Variants in PPHLN1 observed in about 807,000 individuals in gnomAD.
The protein encoded by PPHLN1 is periphilin 1, also known as periphilin-1.
In PPHLN1, 29 loss-of-function variants were observed where a neutral mutation model predicts 51.3. That is an observed-to-expected ratio of 0.57 (90% confidence interval 0.42 to 0.77). The LOEUF (loss-of-function observed/expected upper bound fraction) is 0.77. PPHLN1 is among the 30% of genes least tolerant of loss of function. The pLI, the probability that PPHLN1 is intolerant of heterozygous loss-of-function variation, is 0.00. For missense variants in PPHLN1, 436 were observed against 438.4 expected (o/e 0.99, Z 0.05); for synonymous variants, 147 against 147.8 (o/e 0.99, Z 0.04).
intron 2 of PPHLN1, among the ~76,000 whole-genome samples, chr12:42,350,423 C>T (rs1340802479): frequency 1.8e-4 from 27 of 151,158 alleles, no homozygotes; most frequent in African/African-American, 4.6e-4. Flanking sequence ...CGGGCAGAGA[C>T]GCTTCTCACT....
intron 4 of PPHLN1, among the ~76,000 whole-genome samples, chr12:42,368,317 A>G (rs1056905158): frequency 6.6e-6 from 1 of 152,164 alleles, no homozygotes; most frequent in Non-Finnish European, 1.5e-5. Context: ...GATATGCGTT[A>G]TAATAAGAAT....
intron 1 of PPHLN1, among the ~76,000 whole-genome samples, chr12:42,329,121 T>TGA (rs1442706895): frequency 2.7e-4 from 40 of 146,598 alleles, no homozygotes; most frequent in South Asian, 6.6e-4. Context: ...TGTGTGTGTG[T>TGA]GACGGAGTCT....
chr12:42,413,958 T>C (rs1023437951), intron 9 of PPHLN1, among the ~76,000 whole-genome samples: 3 of 152,148 alleles, frequency 2.0e-5, no homozygotes, highest in Admixed American at 6.5e-5. Context: ...TTGGGGTCTT[T>C]TTTGGTTCCA....
At chr12:42,371,413 C>T (rs1046996622) in intron 4 of PPHLN1, among the ~76,000 whole-genome samples, 2 of 152,124 alleles carry the variant, frequency 1.3e-5, no homozygotes, top group African/African-American at 4.8e-5. Context: ...CCACTGCACC[C>T]GGCCAACTCC....
Position 42,441,739 on chromosome 12 carries a change from C to CT in PPHLN1, c.*231dup, listed in dbSNP as rs1406524260. The stretch of plus-strand genomic sequence containing the variant: ...TTCACCATGTTGGCCAGGCTAGTCT[C>CT]TAACTCCTGGCCTCAAGTGATCTGC... On this transcript the variant is annotated 3_prime_UTR_variant, in exon 10 of 10. Coordinates refer to ENST00000358314, the MANE Select transcript of PPHLN1 (RefSeq NM_201439.2). 8.6e-6 allele frequency: 10 copies of CT among 1,160,858 alleles called. No individual in the cohort carries two copies. The South Asian group carries it at 1.2e-4, about 14-fold the overall frequency. The allele number at this position is 1,160,858 out of a possible 1,614,324, so 71.9% of individuals were successfully genotyped here.
At chr12:42,371,876 A>G (rs2075834009) in intron 4 of PPHLN1, among the ~76,000 whole-genome samples, 2 of 152,230 alleles carry the variant, frequency 1.3e-5, no homozygotes, top group African/African-American at 4.8e-5. Flanking sequence ...TTTACTTTAG[A>G]TATGACTACT....
rs949384633 is a variant in PPHLN1 at position 42,385,088 on chromosome 12, G to T, written c.568+92G>T. 11 of 1,297,204 alleles carry T rather than the reference G, an allele frequency of 8.5e-6. No individual in the cohort carries two copies. In the African/African-American group the frequency reaches 1.5e-4, roughly 17 times the overall value. The allele number at this position is 1,297,204 out of a possible 1,614,324, so 80.4% of individuals were successfully genotyped here. A position where few individuals can be genotyped will look rare whatever the true frequency, so the allele number is the denominator to read the frequency against. ...ATGGAAATGGGGAAAGTGTATAACT[G>T]CTCCATTAGTCTATTGTGAGAACCA... is the stretch of plus-strand genomic sequence containing the variant. On this transcript the variant is annotated intron_variant, in intron 6 of 9. Coordinates refer to ENST00000358314, the MANE Select transcript of PPHLN1 (RefSeq NM_201439.2).
intron 1 of PPHLN1, among the ~76,000 whole-genome samples, chr12:42,326,624 C>A (rs946913271): frequency 2.6e-5 from 4 of 151,078 alleles, no homozygotes; most frequent in Non-Finnish European, 5.9e-5. Flanking sequence ...AGATCTCAGT[C>A]TAGTTGGGGA....
chr12:42,377,999 A>G (rs2076410996), intron 5 of PPHLN1, among the ~76,000 whole-genome samples: 2 of 152,344 alleles, frequency 1.3e-5, no homozygotes, highest in South Asian at 4.1e-4. Context: ...TAATTTAAAA[A>G]TAAAGTTGGT....
intron 4 of PPHLN1, among the ~76,000 whole-genome samples, chr12:42,359,953 C>A (rs543263141): frequency 5.9e-5 from 9 of 151,846 alleles, no homozygotes; most frequent in Admixed American, 3.3e-4. Flanking sequence ...ACAAAAAATA[C>A]AAAAATTAGT....
chr12:42,385,412 C>T (rs1220362643), intron 6 of PPHLN1, among the ~76,000 whole-genome samples: 1 of 152,204 alleles, frequency 6.6e-6, no homozygotes. Flanking sequence ...ACCTCCTGCA[C>T]CACCCTTCAG....
chr12:42,332,701 A>G (rs750516671), intron 1 of PPHLN1: 12 of 1,520,638 alleles, frequency 7.9e-6, no homozygotes, highest in Admixed American at 6.8e-5. Flanking sequence ...AAAAGGACTC[A>G]AGTAAGTATA....
At chr12:42,366,429 T>C (rs567805659) in intron 4 of PPHLN1, among the ~76,000 whole-genome samples, 145 of 152,268 alleles carry the variant, frequency 9.5e-4, no homozygotes, top group African/African-American at 3.2e-3. Flanking sequence ...GGTTTCACCA[T>C]GTTGGCCAGG....
chr12:42,385,690 A>G lies in PPHLN1; in HGVS notation c.568+694A>G, dbSNP rs913966798. Reference sequence around the variant, plus strand: ...CCAGTGCCTTGTCTCCTTTGAAGGGATTGCTTATCTGAATAGGATTGGGAG... The same window carrying G: ...CCAGTGCCTTGTCTCCTTTGAAGGGGTTGCTTATCTGAATAGGATTGGGAG... On this transcript the variant is annotated intron_variant, in intron 6 of 9. Coordinates refer to ENST00000358314, the MANE Select transcript of PPHLN1 (RefSeq NM_201439.2). Among the ~76,000 whole-genome samples, 25 of 152,082 alleles carry G rather than the reference A, an allele frequency of 1.6e-4. 1 individual carries two copies. Among genetic ancestry groups the G allele is most frequent in the Non-Finnish European group, 1.5e-5 (1 of 68,032 alleles).
intron 9 of PPHLN1, among the ~76,000 whole-genome samples, chr12:42,400,798 TCACACA>T (rs67724902): frequency 0.013 from 1,868 of 142,600 alleles, 59 homozygotes; most frequent in East Asian, 0.12. Flanking sequence ...TCTCTCTCTT[TCACACA>T]CACACACACA....
At chr12:42,395,091 G>T (rs2078078971) in intron 8 of PPHLN1, among the ~76,000 whole-genome samples, 4 of 151,832 alleles carry the variant, frequency 2.6e-5, no homozygotes, top group African/African-American at 9.7e-5. Context: ...TTCTGCTTGG[G>T]TTCTCTCATT....
At chr12:42,359,005 TTTTC>T (rs2074339778) in intron 4 of PPHLN1, among the ~76,000 whole-genome samples, 1 of 152,186 alleles carries the variant, frequency 6.6e-6, no homozygotes, top group Admixed American at 6.5e-5. Flanking sequence ...AGATAATTAT[TTTTC>T]TTTCTTATTT....
At chr12:42,404,556 T>C (rs1169701606) in intron 9 of PPHLN1, among the ~76,000 whole-genome samples, 7 of 112,356 alleles carry the variant, frequency 6.2e-5, no homozygotes, top group African/African-American at 2.0e-4. Context: ...ACAACAAAAA[T>C]ATTTCATAGC....
intron 9 of PPHLN1, among the ~76,000 whole-genome samples, chr12:42,426,118 A>T (rs1239996111): frequency 6.6e-6 from 1 of 150,724 alleles, no homozygotes; most frequent in Non-Finnish European, 1.5e-5. Flanking sequence ...CCACGTTTCA[A>T]ATTTCACTAG....
Sources: gnomAD v4.1 joint callset for allele counts (sites outside exome capture counted in the v4.1 genomes callset) on GRCh38, gnomAD v4.1.1 for gene constraint, MANE v1.5 for transcripts, NCBI Gene and HGNC (gene_info 2026-07-23, HGNC 2026-07-21) for gene names.